The following ZRANB3 variants were observed in gnomAD, a reference collection of about 807,000 sequenced individuals.
ZRANB3 encodes the protein zinc finger RANBP2-type containing 3.
Under a neutral mutation model 133.8 loss-of-function variants are expected in ZRANB3, and 125 were observed. The observed-to-expected ratio is 0.93, with a 90% CI of 0.81 to 1.08. ZRANB3 has a LOEUF of 1.08. Ranked by LOEUF, ZRANB3 falls within the 50% of genes least tolerant of loss-of-function variation. The pLI, the probability that ZRANB3 is intolerant of heterozygous loss-of-function variation, is 0.00. For missense variants in ZRANB3, 1,229 were observed against 1,275.5 expected (o/e 0.96, Z 0.56); for synonymous variants, 387 against 432.7 (o/e 0.89, Z 1.31).
chr2:135,228,081 T>C, intron 13 of ZRANB3, 66 bp from the exon 14 acceptor site: 1 of 1,306,040 alleles, frequency 7.7e-7, no homozygotes. Flanking sequence ...AAAAAGAATG[T>C]AACAGTTAGG....
intron 12 of ZRANB3, among the ~76,000 whole-genome samples, chr2:135,243,641 C>T (rs1331381420): frequency 6.6e-6 from 1 of 151,920 alleles, no homozygotes; most frequent in South Asian, 2.1e-4. Flanking sequence ...CTTTCTGAAG[C>T]AGGTTCTTTC....
rs1693458617 is a variant in ZRANB3, at chr2:135,197,583, G to A, written c.*2759C>T. On this transcript the variant is annotated 3_prime_UTR_variant, in exon 21 of 21. Transcript: ENST00000264159. ...CATATGAATTATTCCTCCTGGCTCT[G>A]GGGCTACTAAAAGCAACTTTACTAG... 1.3e-5 allele frequency: 2 copies of A among 152,200 alleles called. No individual in the cohort carries two copies. The highest frequency in any genetic ancestry group is 6.5e-5 in the Admixed American group (1 of 15,278). The allele number at this position is 152,200 out of a possible 1,614,324, so 9.4% of individuals were successfully genotyped here. A position where few individuals can be genotyped will look rare whatever the true frequency, so the allele number is the denominator to read the frequency against.
At position 135,381,312 on chromosome 2, in the gene ZRANB3, C is replaced by T. The variant is rs748030350; in HGVS notation, c.180+9490G>A. On this transcript the variant is annotated intron_variant, in intron 3 of 20. Transcript: ENST00000264159. ...GCAGCAAGGCTGGGGGAGGAGCGTC[C>T]GCCATTGCTGAGGCTTGAGTAGGTA... 1.1e-4 allele frequency among the ~76,000 whole-genome samples: 17 copies of T among 152,256 alleles called. 1 individual carries two copies. Among genetic ancestry groups the T allele is most frequent in the Admixed American group, 5.2e-4 (8 of 15,284 alleles).
chr2:135,519,970 G>A (rs191460979), intron 1 of ZRANB3, among the ~76,000 whole-genome samples: 95 of 152,190 alleles, frequency 6.2e-4, no homozygotes, highest in Non-Finnish European at 1.2e-3. Flanking sequence ...TAAAGGCTGT[G>A]AACCGGAGGT....
At chr2:135,253,205 T>C (rs1281539892) in intron 12 of ZRANB3, among the ~76,000 whole-genome samples, 1 of 152,180 alleles carries the variant, frequency 6.6e-6, no homozygotes, top group African/African-American at 2.4e-5. Context: ...TCAGCACAGA[T>C]CTAGCGGCAG....
intron 1 of ZRANB3, chr2:135,510,954 G>C: frequency 1.2e-6 from 1 of 816,326 alleles, no homozygotes; most frequent in Non-Finnish European, 2.2e-6. Context: ...CACTCTTTGG[G>C]GTTCAATGTC....
Position 135,230,599 on chromosome 2 carries a change from TCTACAGGAAAGG to T in ZRANB3, c.1856_1867del (p.Ala619_Val622del), listed in dbSNP as rs1558845934. 2 of 1,609,128 alleles carry T rather than the reference TCTACAGGAAAGG, an allele frequency of 1.2e-6. No individual in the cohort carries two copies. The highest frequency in any genetic ancestry group is 1.7e-5 in the Admixed American group (1 of 58,702). ...GGTGCAGAGACTACATTGCCAGCCC[TCTACAGGAAAGG>T]CTGGGGTGGTTAACTGGGCCTTGGC... is the stretch of plus-strand genomic sequence containing the variant. On this transcript the variant is annotated inframe_deletion, in exon 13 of 21. Coordinates refer to ENST00000264159, the MANE Select transcript of ZRANB3 (RefSeq NM_032143.4).
chr2:135,462,239 A>G (rs1351131284), intron 2 of ZRANB3, among the ~76,000 whole-genome samples: 1 of 152,310 alleles, frequency 6.6e-6, no homozygotes, highest in South Asian at 2.1e-4. Flanking sequence ...CTATCAGCTT[A>G]AAAGCCTTTT....
chr2:135,282,416 T>A (rs1681140018), intron 8 of ZRANB3, among the ~76,000 whole-genome samples: 1 of 152,232 alleles, frequency 6.6e-6, no homozygotes, highest in Admixed American at 6.5e-5. Context: ...TTTCCAAATC[T>A]GGTAGGAGAC....
chr2:135,453,229 T>C (rs1690352267), intron 2 of ZRANB3, among the ~76,000 whole-genome samples: 1 of 152,074 alleles, frequency 6.6e-6, no homozygotes, highest in Non-Finnish European at 1.5e-5. Flanking sequence ...CACCAAGTCC[T>C]TGGGCCTGGC....
intron 2 of ZRANB3, among the ~76,000 whole-genome samples, chr2:135,457,108 A>T (rs192497378): frequency 2.0e-5 from 3 of 152,300 alleles, no homozygotes; most frequent in Admixed American, 1.3e-4. Flanking sequence ...TCCTTAACTC[A>T]GCATGATGTT....
intron 10 of ZRANB3, chr2:135,271,235 G>A (rs1007391029): frequency 1.3e-5 from 6 of 461,258 alleles, no homozygotes; most frequent in African/African-American, 1.0e-4. Flanking sequence ...GGCCTGGACT[G>A]TCTACATAAG....
chr2:135,296,618 G>A (rs1476146437), intron 8 of ZRANB3, among the ~76,000 whole-genome samples: 3 of 152,136 alleles, frequency 2.0e-5, no homozygotes, highest in Non-Finnish European at 4.4e-5. Context: ...TTCTGTTGCT[G>A]GTGAGGAGCT....
intron 2 of ZRANB3, among the ~76,000 whole-genome samples, chr2:135,490,063 T>TA (rs982227383): frequency 1.3e-5 from 2 of 152,128 alleles, no homozygotes; most frequent in African/African-American, 4.8e-5. Flanking sequence ...GGTAGTGAGG[T>TA]AAAAAATTGA....
chr2:135,497,295 A>G (rs1209521375), intron 2 of ZRANB3, among the ~76,000 whole-genome samples: 1 of 151,134 alleles, frequency 6.6e-6, no homozygotes, highest in East Asian at 1.9e-4. Flanking sequence ...ATTTTGAAAA[A>G]GAGTAAGGCT....
At chr2:135,336,107 AG>A (rs137950574) in intron 6 of ZRANB3, among the ~76,000 whole-genome samples, 243 of 152,338 alleles carry the variant, frequency 1.6e-3, no homozygotes, top group African/African-American at 5.6e-3. Flanking sequence ...AACCCTGTGA[AG>A]TGAATGATGT....
intron 19 of ZRANB3, among the ~76,000 whole-genome samples, chr2:135,203,881 A>G (rs7560238): frequency 0.062 from 9,423 of 152,248 alleles, 573 homozygotes; most frequent in African/African-American, 0.16. Context: ...CAGTCCATAT[A>G]TACACATTTT....
intron 2 of ZRANB3, among the ~76,000 whole-genome samples, chr2:135,451,558 T>A (rs1690269206): frequency 6.7e-6 from 1 of 149,056 alleles, no homozygotes; most frequent in Non-Finnish European, 1.5e-5. Flanking sequence ...CGAGACTCCA[T>A]CTCAAAAAAA....
rs1266555586 is a variant in ZRANB3 at position 135,275,662 on chromosome 2, A to G, written c.1060T>C (p.Cys354Arg). ...FAHHLSMLQA[C>R]TEAVIENKTR... is the part of the protein sequence containing the mutation. ...TTATTTTCGATGACTGCTTCTGTGC[A>G]AGCTTGGAGCATGCTTAAATGGTGA... Residue 354 changes from cysteine to arginine, a missense_variant, in exon 9 of 21, where the codon TGC becomes CGC. By Grantham distance (180) the Cys-to-Arg change is radical (BLOSUM62 -3). Transcript: ENST00000264159. 3.1e-6 allele frequency: 5 copies of G among 1,598,266 alleles called. No homozygotes were observed. The highest frequency in any genetic ancestry group is 4.3e-6 in the Non-Finnish European group (5 of 1,173,028).
Sources: gnomAD v4.1 joint callset for allele counts (sites outside exome capture counted in the v4.1 genomes callset) on GRCh38, gnomAD v4.1.1 for gene constraint, MANE v1.5 for transcripts, NCBI Gene and HGNC (gene_info 2026-07-23, HGNC 2026-07-21) for gene names.